Variants in LOC400499 observed in about 807,000 individuals in gnomAD.
chr16:11,407,359 C>T, the LOC400499 span: 1 of 395,780 alleles, frequency 2.5e-6, no homozygotes, highest in East Asian at 3.6e-5. Flanking sequence ...AAAAAAAAAA[C>T]CACCACAAAA....
the LOC400499 span, among the ~76,000 whole-genome samples, chr16:11,378,328 A>G: frequency 4.0e-5 from 6 of 151,498 alleles, no homozygotes; most frequent in South Asian, 4.2e-4. Context: ...CAGTGGCACA[A>G]TCTCAGCTTA....
chr16:11,372,334 C>T, the LOC400499 span: 1 of 152,256 alleles, frequency 6.6e-6, no homozygotes, highest in Admixed American at 6.5e-5. Flanking sequence ...GCTTCGTGTC[C>T]CCCACCACGC....
chr16:11,421,879 A>T, the LOC400499 span, among the ~76,000 whole-genome samples: 515 of 152,346 alleles, frequency 3.4e-3, 1 homozygote, highest in African/African-American at 0.011. Context: ...AATAGTGTGA[A>T]CGACCATAGC....
chr16:11,418,470 C>G, the LOC400499 span, among the ~76,000 whole-genome samples: 88 of 152,350 alleles, frequency 5.8e-4, no homozygotes, highest in African/African-American at 2.0e-3. Flanking sequence ...CACTGCTACA[C>G]TCCCACCAGC....
At chr16:11,485,428 C>CAGGATG in the LOC400499 span, among the ~76,000 whole-genome samples, 3 of 152,298 alleles carry the variant, frequency 2.0e-5, no homozygotes, top group South Asian at 6.2e-4. Context: ...TCGAAAGATC[C>CAGGATG]AGGATGAGGG....
chr16:11,408,451 AT>A, the LOC400499 span, among the ~76,000 whole-genome samples: 5,266 of 131,096 alleles, frequency 0.04, 317 homozygotes, highest in African/African-American at 0.14. Flanking sequence ...TCAGTGCAGG[AT>A]TTTTTTTTTT....
chr16:11,407,637 A>G, the LOC400499 span, among the ~76,000 whole-genome samples: 8 of 152,332 alleles, frequency 5.3e-5, no homozygotes, highest in Non-Finnish European at 1.0e-4. Context: ...TAGTTGTAGT[A>G]CTGTTGCAGA....
the LOC400499 span, chr16:11,516,390 G>C: frequency 2.5e-6 from 1 of 398,184 alleles, no homozygotes; most frequent in African/African-American, 2.1e-5. Context: ...CAGCATCCCT[G>C]CCTTCCTACA....
the LOC400499 span, among the ~76,000 whole-genome samples, chr16:11,379,255 TAAA>T: frequency 6.6e-6 from 1 of 152,012 alleles, no homozygotes; most frequent in Admixed American, 6.6e-5. Flanking sequence ...CTCAAAAAAA[TAAA>T]AAAAGTGAGG....
the LOC400499 span, among the ~76,000 whole-genome samples, chr16:11,525,898 G>A: frequency 6.6e-6 from 1 of 152,186 alleles, no homozygotes; most frequent in East Asian, 1.9e-4. Flanking sequence ...ACTGCACACT[G>A]GAGGTAATAA....
At chr16:11,372,654 T>C in the LOC400499 span, 453,840 of 695,552 alleles carry the variant, frequency 0.65, 149,755 homozygotes, top group African/African-American at 0.76. Flanking sequence ...ATGAATCTTG[T>C]CATTGTCAGG....
the LOC400499 span, among the ~76,000 whole-genome samples, chr16:11,442,787 C>A: frequency 6.6e-6 from 1 of 152,160 alleles, no homozygotes; most frequent in Non-Finnish European, 1.5e-5. Flanking sequence ...CCCATGGCGC[C>A]GGCTCTGCAA....
the LOC400499 span, chr16:11,384,009 CTGGCAGGA>C: frequency 8.1e-7 from 1 of 1,231,700 alleles, no homozygotes; most frequent in Non-Finnish European, 1.0e-6. Flanking sequence ...CACCACCCAC[CTGGCAGGA>C]TGGATGCAAG....
the LOC400499 span, among the ~76,000 whole-genome samples, chr16:11,510,333 T>C: frequency 3.8e-4 from 58 of 151,906 alleles, 2 homozygotes; most frequent in African/African-American, 1.4e-3. Context: ...CATCTAATCC[T>C]CAGACCTCTC....
At chr16:11,399,175 A>G in the LOC400499 span, 1 of 977,384 alleles carries the variant, frequency 1.0e-6, no homozygotes, top group Non-Finnish European at 1.2e-6. Context: ...GGAGCTCCCG[A>G]TCTCCCTCCG....
At chr16:11,498,998 G>C in the LOC400499 span, among the ~76,000 whole-genome samples, 2 of 135,994 alleles carry the variant, frequency 1.5e-5, no homozygotes, top group South Asian at 5.2e-4. Flanking sequence ...AGATGGGTTT[G>C]TGCTCTTAGT....
chr16:11,503,088 A>AT, the LOC400499 span, among the ~76,000 whole-genome samples: 2 of 149,988 alleles, frequency 1.3e-5, no homozygotes, highest in South Asian at 2.1e-4. Flanking sequence ...CGCTCAGCTA[A>AT]TTTTTTTGTA....
the LOC400499 span, chr16:11,431,180 G>C: frequency 1.0e-5 from 4 of 398,910 alleles, no homozygotes; most frequent in East Asian, 7.1e-5. Context: ...GCCTTGAGGA[G>C]CAACTGTGCT....
the LOC400499 span, chr16:11,485,110 T>G: frequency 4.5e-5 from 18 of 398,760 alleles, no homozygotes; most frequent in Non-Finnish European, 7.1e-5. Flanking sequence ...GAGGAACAAT[T>G]CAGTCACAGG....
Sources: gnomAD v4.1 joint callset for allele counts (sites outside exome capture counted in the v4.1 genomes callset) on GRCh38, gnomAD v4.1.1 for gene constraint, MANE v1.5 for transcripts.